NELL1: variants seen among roughly 807,000 people sequenced by gnomAD.
NELL1 encodes neural EGFL like 1.
A neutral mutation model predicts 107.4 loss-of-function variants in NELL1; 76 were observed. The ratio of observed to expected loss-of-function variants is 0.71; its 90% CI spans 0.59 to 0.86. The LOEUF (loss-of-function observed/expected upper bound fraction) is 0.86, where lower values mean the gene tolerates loss of function less well. NELL1 is among the 40% of genes least tolerant of loss of function. NELL1 has a pLI of 0.00. For missense variants in NELL1, 1,024 were observed against 1,005.5 expected (o/e 1.02, Z -0.25); for synonymous variants, 353 against 341.2 (o/e 1.03, Z -0.38).
chr11:21,313,445 C>T (rs1849792960), intron 14 of NELL1, among the ~76,000 whole-genome samples: 1 of 152,136 alleles, frequency 6.6e-6, no homozygotes, highest in African/African-American at 2.4e-5. Flanking sequence ...ATTCAACAAA[C>T]ACTTCTAGAG....
intron 2 of NELL1, among the ~76,000 whole-genome samples, chr11:20,774,428 C>T (rs920851183): frequency 7.3e-6 from 1 of 137,570 alleles, no homozygotes; most frequent in Non-Finnish European, 1.6e-5. Flanking sequence ...GGGTCTTTCT[C>T]ACTATGTTCC....
chr11:21,541,100 G>T (rs1422804079), intron 16 of NELL1, among the ~76,000 whole-genome samples: 1 of 152,008 alleles, frequency 6.6e-6, no homozygotes, highest in East Asian at 1.9e-4. Flanking sequence ...ATCAATTAAT[G>T]TTGAATTAAA....
chr11:20,804,673 A>G (rs1467566630), intron 3 of NELL1, among the ~76,000 whole-genome samples: 1 of 152,076 alleles, frequency 6.6e-6, no homozygotes, highest in Non-Finnish European at 1.5e-5. Flanking sequence ...GCTTTTTTGA[A>G]TGTTTTAAGA....
intron 15 of NELL1, among the ~76,000 whole-genome samples, chr11:21,487,262 T>A (rs1441070328): frequency 6.6e-6 from 1 of 152,118 alleles, no homozygotes; most frequent in African/African-American, 2.4e-5. Flanking sequence ...TCAGACTAAC[T>A]GGGGATTTCT....
chr11:20,938,772 G>A (rs552740065), intron 10 of NELL1, among the ~76,000 whole-genome samples: 2 of 152,282 alleles, frequency 1.3e-5, no homozygotes, highest in Admixed American at 1.3e-4. Context: ...TTTGACTTGG[G>A]TGAAGTTCTA....
At chr11:21,460,065 G>C (rs538834901) in intron 15 of NELL1, among the ~76,000 whole-genome samples, 1 of 152,224 alleles carries the variant, frequency 6.6e-6, no homozygotes, top group East Asian at 1.9e-4. Flanking sequence ...AGGAGATAGA[G>C]GGATTCTGTG....
chr11:21,215,661 G>A (rs773403327), intron 13 of NELL1, among the ~76,000 whole-genome samples: 19 of 152,180 alleles, frequency 1.2e-4, no homozygotes, highest in Non-Finnish European at 2.8e-4. Flanking sequence ...TGGAGTAAAG[G>A]TGATTCTTGT....
chr11:21,009,677 G>A (rs545371794), intron 12 of NELL1, among the ~76,000 whole-genome samples: 10 of 152,130 alleles, frequency 6.6e-5, no homozygotes, highest in East Asian at 3.9e-4. Flanking sequence ...TGACATGCCC[G>A]TAGAACTTGA....
At chr11:21,513,808 T>C (rs898032456) in intron 15 of NELL1, among the ~76,000 whole-genome samples, 1 of 152,118 alleles carries the variant, frequency 6.6e-6, no homozygotes, top group Non-Finnish European at 1.5e-5. Flanking sequence ...AAATACATGG[T>C]TCCATAGCCA....
At position 21,420,800 on chromosome 11, in the gene NELL1, A is replaced by G. The variant is rs185574365; in HGVS notation, c.1645+49852A>G. Reference sequence around the variant, plus strand: ...GTATATAAGGAAGTGTAAGTGTAAGACAGTCTTCAAAATGGCAGTATCCCA... The same window carrying G: ...GTATATAAGGAAGTGTAAGTGTAAGGCAGTCTTCAAAATGGCAGTATCCCA... On this transcript the variant is annotated intron_variant, in intron 15 of 19. Transcript: ENST00000357134. Among the ~76,000 whole-genome samples the G allele has an allele frequency of 6.6e-3, 1,004 of 152,290 alleles. 14 individuals are homozygous for G. The highest frequency in any genetic ancestry group is 0.023 in the African/African-American group (957 of 41,572).
At chr11:21,549,769 T>C (rs1856531286) in intron 16 of NELL1, among the ~76,000 whole-genome samples, 1 of 151,810 alleles carries the variant, frequency 6.6e-6, no homozygotes, top group Non-Finnish European at 1.5e-5. Flanking sequence ...AAACGTAATA[T>C]GAAAGATTGC....
intron 14 of NELL1, among the ~76,000 whole-genome samples, 172 bp downstream of exon 14, chr11:21,229,626 G>A (rs1198313125): frequency 6.6e-6 from 1 of 152,160 alleles, no homozygotes; most frequent in East Asian, 1.9e-4. Context: ...AATGCTTCAG[G>A]TTTAGCTTTG....
intron 13 of NELL1, among the ~76,000 whole-genome samples, chr11:21,223,025 A>G (rs1319532044): frequency 1.3e-5 from 2 of 152,128 alleles, no homozygotes; most frequent in Non-Finnish European, 2.9e-5. Context: ...GTCGTTGGAT[A>G]TATTGTTCTG....
At chr11:21,057,714 T>C (rs1484267513) in intron 12 of NELL1, among the ~76,000 whole-genome samples, 2 of 151,938 alleles carry the variant, frequency 1.3e-5, no homozygotes, top group Non-Finnish European at 2.9e-5. Context: ...TAAATTCCTA[T>C]TTTAAAAAAT....
intron 3 of NELL1, among the ~76,000 whole-genome samples, chr11:20,791,734 T>G (rs1467366436): frequency 1.3e-5 from 2 of 151,626 alleles, no homozygotes; most frequent in East Asian, 1.9e-4. Context: ...CTGGAGGTTT[T>G]TTTTTTTTTT....
intron 4 of NELL1, among the ~76,000 whole-genome samples, chr11:20,867,631 A>G (rs1849120100): frequency 6.6e-6 from 1 of 152,182 alleles, no homozygotes; most frequent in Non-Finnish European, 1.5e-5. Context: ...ATTAGTTTGC[A>G]TAGAGTTGGG....
intron 2 of NELL1, among the ~76,000 whole-genome samples, chr11:20,735,507 T>A (rs567116540): frequency 6.6e-6 from 1 of 152,246 alleles, no homozygotes; most frequent in South Asian, 2.1e-4. Context: ...AACAGCAGCA[T>A]GGGGGTAACT....
intron 4 of NELL1, among the ~76,000 whole-genome samples, chr11:20,853,425 A>G (rs1342436030): frequency 1.3e-5 from 2 of 152,176 alleles, no homozygotes; most frequent in Non-Finnish European, 2.9e-5. Flanking sequence ...TCTATGTCTA[A>G]TTTTCTCATT....
intron 14 of NELL1, among the ~76,000 whole-genome samples, chr11:21,363,920 A>G (rs1351023048): frequency 6.6e-6 from 1 of 152,282 alleles, no homozygotes; most frequent in East Asian, 1.9e-4. Flanking sequence ...TCCTCAACCC[A>G]TGCCTCTCCC....
Sources: gnomAD v4.1 joint callset for allele counts (sites outside exome capture counted in the v4.1 genomes callset) on GRCh38, gnomAD v4.1.1 for gene constraint, MANE v1.5 for transcripts, NCBI Gene and HGNC (gene_info 2026-07-23, HGNC 2026-07-21) for gene names.